Variants in TMEM132B observed in about 807,000 individuals in gnomAD.
TMEM132B encodes transmembrane protein 132B.
In TMEM132B, 18 loss-of-function variants were observed where a neutral mutation model predicts 90.8. The ratio of observed to expected loss-of-function variants is 0.20; its 90% CI spans 0.14 to 0.29. TMEM132B has a LOEUF of 0.29. Ranked by LOEUF, TMEM132B falls within the 10% of genes least tolerant of loss-of-function variation. TMEM132B has a pLI of 1.00. For missense variants in TMEM132B, 1,096 were observed against 1,326.8 expected, an observed-to-expected ratio of 0.83 and a Z score of 2.70; for synonymous variants, 504 against 523.3, an observed-to-expected ratio of 0.96 and a Z score of 0.50.
At position 125,656,675 on chromosome 12, in the gene TMEM132B, A is replaced by T. The variant is rs1221533105; in HGVS notation, c.*1965A>T. On this transcript the variant is annotated 3_prime_UTR_variant, in exon 9 of 9. Coordinates refer to ENST00000682704, the MANE Select transcript of TMEM132B (RefSeq NM_001366854.1). ...CTTGCAGAGAGATGGCTGACACTTTATGGGAAGATTCCTCAGTCAGCCAAA... is the reference window on the plus strand; with the variant it reads ...CTTGCAGAGAGATGGCTGACACTTTTTGGGAAGATTCCTCAGTCAGCCAAA... 2 of 152,250 alleles carry T rather than the reference A, an allele frequency of 1.3e-5. No individual in the cohort carries two copies. The allele number at this position is 152,250 out of a possible 1,614,324, so 9.4% of individuals were successfully genotyped here.
chr12:125,208,589 C>T (rs1368608073), intron 1 of TMEM132B, among the ~76,000 whole-genome samples: 2 of 152,272 alleles, frequency 1.3e-5, no homozygotes, highest in East Asian at 3.9e-4. Context: ...CATAACATTT[C>T]GAGGTTTATC....
chr12:125,387,294 G>A lies in TMEM132B; in HGVS notation c.960-28237G>A, dbSNP rs573271390. On this transcript the variant is annotated intron_variant, in intron 2 of 8. Coordinates refer to ENST00000682704, the MANE Select transcript of TMEM132B (RefSeq NM_001366854.1). The stretch of plus-strand genomic sequence containing the variant: ...CACTGTAGCTTAGTCCACAAGCACA[G>A]CTAGAAATACTGGACCCTTGAACAC... Among the ~76,000 whole-genome samples, 5 of 152,312 alleles carry A rather than the reference G, an allele frequency of 3.3e-5. No homozygotes were observed. The South Asian group carries it at 8.3e-4, about 25-fold the overall frequency.
chr12:125,365,324 T>G (rs555240694), intron 2 of TMEM132B, among the ~76,000 whole-genome samples: 5 of 152,214 alleles, frequency 3.3e-5, no homozygotes, highest in South Asian at 2.1e-4. Flanking sequence ...CACTTAACCA[T>G]CCCATGTCCT....
rs551899918 is a variant in TMEM132B at position 125,499,405 on chromosome 12, G to C, written c.1107-20034G>C. 8.5e-5 allele frequency among the ~76,000 whole-genome samples: 13 copies of C among 152,320 alleles called. No homozygotes were observed. The South Asian group carries it at 2.7e-3, about 32-fold the overall frequency. On this transcript the variant is annotated intron_variant, in intron 3 of 8. Transcript: ENST00000682704. The stretch of plus-strand genomic sequence containing the variant: ...ATTGTAAATACAAAATTGCATGCAG[G>C]ATTGTGTAAAGACAATGCCAGGTTG...
intron 4 of TMEM132B, among the ~76,000 whole-genome samples, chr12:125,576,756 A>G (rs544621661): frequency 2.6e-5 from 4 of 151,992 alleles, no homozygotes; most frequent in Non-Finnish European, 4.4e-5. Context: ...TTCTATAATT[A>G]AGGTATATTA....
At chr12:125,283,165 AATG>A (rs1240966725) in intron 1 of TMEM132B, among the ~76,000 whole-genome samples, 4 of 152,070 alleles carry the variant, frequency 2.6e-5, no homozygotes, top group African/African-American at 7.2e-5. Context: ...CTTGCCAATT[AATG>A]ATCTGTTTGG....
At chr12:125,363,654 C>T (rs777485960) in intron 2 of TMEM132B, among the ~76,000 whole-genome samples, 1 of 152,060 alleles carries the variant, frequency 6.6e-6, no homozygotes, top group Non-Finnish European at 1.5e-5. Context: ...TTTATCCATC[C>T]GTCTTATGTA....
At chr12:125,380,378 A>G (rs926171284) in intron 2 of TMEM132B, among the ~76,000 whole-genome samples, 6 of 152,128 alleles carry the variant, frequency 3.9e-5, no homozygotes, top group African/African-American at 1.4e-4. Flanking sequence ...TCATCTTGAG[A>G]TATTTACCTT....
chr12:125,653,378 A>G (rs1421180277), intron 8 of TMEM132B, among the ~76,000 whole-genome samples, 187 bp from the exon 9 acceptor site: 1 of 152,252 alleles, frequency 6.6e-6, no homozygotes, highest in African/African-American at 2.4e-5. Flanking sequence ...TCCTTGTACC[A>G]GTGAGGCTAC....
chr12:125,221,087 G>T (rs371898929), intron 1 of TMEM132B, among the ~76,000 whole-genome samples: 1 of 152,218 alleles, frequency 6.6e-6, no homozygotes, highest in African/African-American at 2.4e-5. Flanking sequence ...CTACAGTAGC[G>T]CTCAGCACTC....
chr12:125,626,581 G>T (rs1566093373), intron 5 of TMEM132B, among the ~76,000 whole-genome samples: 1 of 152,020 alleles, frequency 6.6e-6, no homozygotes, highest in African/African-American at 2.4e-5. Context: ...GAACTATAGG[G>T]CAATAGTTAT....
intron 4 of TMEM132B, among the ~76,000 whole-genome samples, chr12:125,558,077 A>G (rs544983988): frequency 1.3e-5 from 2 of 152,330 alleles, no homozygotes; most frequent in South Asian, 2.1e-4. Context: ...TCAGGATCCA[A>G]TCATCCGTCC....
intron 1 of TMEM132B, among the ~76,000 whole-genome samples, chr12:125,306,622 TA>T (rs1463382311): frequency 2.0e-5 from 3 of 152,328 alleles, no homozygotes; most frequent in Non-Finnish European, 4.4e-5. Context: ...GTCTTCCAAA[TA>T]TATTCAGAAA....
intron 1 of TMEM132B, among the ~76,000 whole-genome samples, chr12:125,244,092 T>C (rs1366089833): frequency 1.3e-5 from 2 of 152,226 alleles, no homozygotes; most frequent in African/African-American, 2.4e-5. Context: ...TGTGTCAGAA[T>C]GTCATTCTTT....
chr12:125,306,407 T>A (rs182301244), intron 1 of TMEM132B, among the ~76,000 whole-genome samples: 351 of 152,252 alleles, frequency 2.3e-3, no homozygotes, highest in African/African-American at 8.1e-3. Flanking sequence ...CTACATGACA[T>A]CTCTACCTGG....
chr12:125,263,204 G>A (rs1480505012), intron 1 of TMEM132B, among the ~76,000 whole-genome samples: 3 of 152,184 alleles, frequency 2.0e-5, no homozygotes, highest in Non-Finnish European at 4.4e-5. Flanking sequence ...TAATGTGTCT[G>A]TACCCTCCAC....
rs1424787252 is a variant in TMEM132B at position 125,281,217 on chromosome 12, G to A, written c.68-68235G>A. On this transcript the variant is annotated intron_variant, in intron 1 of 8. Coordinates refer to ENST00000682704, the MANE Select transcript of TMEM132B (RefSeq NM_001366854.1). The stretch of plus-strand genomic sequence containing the variant: ...TGGCAGAAATATGCAAATGCGGAGT[G>A]GGTGTGAGCAGGAATGGGCCAGGGC... Among the ~76,000 whole-genome samples the A allele has an allele frequency of 2.0e-5, 3 of 152,190 alleles. 1 individual carries two copies. The highest frequency in any genetic ancestry group is 4.4e-5 in the Non-Finnish European group (3 of 68,030).
chr12:125,512,042 T>C (rs1324835985), intron 3 of TMEM132B, among the ~76,000 whole-genome samples: 3 of 151,766 alleles, frequency 2.0e-5, no homozygotes, highest in East Asian at 3.9e-4. Flanking sequence ...AGAGTGGAAA[T>C]AGGTACGTGA....
intron 4 of TMEM132B, among the ~76,000 whole-genome samples, chr12:125,528,144 T>A (rs1284036300): frequency 6.6e-6 from 1 of 152,228 alleles, no homozygotes; most frequent in East Asian, 1.9e-4. Context: ...ATTTCTTTTT[T>A]TTTTTCCTCT....
Sources: allele counts gnomAD v4.1 joint callset (sites outside exome capture counted in the v4.1 genomes callset), GRCh38; gene constraint gnomAD v4.1.1; transcripts MANE v1.5; gene names NCBI Gene and HGNC (gene_info 2026-07-23, HGNC 2026-07-21).